MACROD2: variants seen among roughly 807,000 people sequenced by gnomAD.
MACROD2 encodes the protein mono-ADP ribosylhydrolase 2, also known as ADP-ribose glycohydrolase MACROD2.
Under a neutral mutation model 70.4 loss-of-function variants are expected in MACROD2, and 36 were observed. The ratio of observed to expected loss-of-function variants is 0.51; its 90% CI spans 0.39 to 0.68. The LOEUF (loss-of-function observed/expected upper bound fraction) is 0.68, where lower values mean the gene tolerates loss of function less well. MACROD2 is among the 30% of genes least tolerant of loss of function. The pLI is 0.00. For missense variants in MACROD2, 496 were observed against 538.4 expected (o/e 0.92, Z 0.78); for synonymous variants, 172 against 178.8 (o/e 0.96, Z 0.30).
chr20:15,159,240 G>T (rs2076330454), intron 5 of MACROD2, among the ~76,000 whole-genome samples: 1 of 151,946 alleles, frequency 6.6e-6, no homozygotes, highest in South Asian at 2.1e-4. Flanking sequence ...TGTGTCTTTT[G>T]TTGTATAACG....
intron 8 of MACROD2, among the ~76,000 whole-genome samples, chr20:15,784,170 G>T (rs1199352488): frequency 6.6e-6 from 1 of 152,014 alleles, no homozygotes; most frequent in African/African-American, 2.4e-5. Context: ...TTTGAAAAAA[G>T]CACTGTAGCT....
chr20:14,465,230 A>G (rs1006590457), intron 3 of MACROD2, among the ~76,000 whole-genome samples: 45 of 152,088 alleles, frequency 3.0e-4, no homozygotes, highest in African/African-American at 1.0e-3. Context: ...TGTATTGGGT[A>G]CATATATATT....
chr20:14,802,777 T>TACACACAC (rs11468914), intron 5 of MACROD2, among the ~76,000 whole-genome samples: 1 of 148,326 alleles, frequency 6.7e-6, no homozygotes, highest in East Asian at 2.1e-4. Context: ...CATACACACA[T>TACACACAC]ACACACACAC....
intron 3 of MACROD2, among the ~76,000 whole-genome samples, chr20:14,240,870 C>A (rs950649587): frequency 2.6e-5 from 4 of 152,286 alleles, no homozygotes; most frequent in African/African-American, 9.6e-5. Context: ...GCGGCTCTTG[C>A]CTGTAATCTC....
intron 9 of MACROD2, among the ~76,000 whole-genome samples, chr20:15,881,097 A>G (rs1484574100): frequency 1.3e-5 from 2 of 152,088 alleles, no homozygotes; most frequent in African/African-American, 2.4e-5. Context: ...GCTAACCTGT[A>G]TCTTCGTAAT....
At chr20:14,901,079 A>C (rs1398084205) in intron 5 of MACROD2, among the ~76,000 whole-genome samples, 1 of 152,094 alleles carries the variant, frequency 6.6e-6, no homozygotes, top group Non-Finnish European at 1.5e-5. Flanking sequence ...TAAAGACAGA[A>C]ACTTTAAATG....
At chr20:15,119,227 C>T (rs1326764771) in intron 5 of MACROD2, among the ~76,000 whole-genome samples, 1 of 152,162 alleles carries the variant, frequency 6.6e-6, no homozygotes, top group Non-Finnish European at 1.5e-5. Context: ...TAAGTTTTGC[C>T]TATCTAGTTT....
chr20:15,605,221 C>T (rs2048876164), intron 8 of MACROD2, among the ~76,000 whole-genome samples: 1 of 152,028 alleles, frequency 6.6e-6, no homozygotes, highest in South Asian at 2.1e-4. Flanking sequence ...TCTTTTATTT[C>T]CTTTGTATGA....
intron 4 of MACROD2, among the ~76,000 whole-genome samples, chr20:14,515,080 G>A (rs1386004233): frequency 6.6e-6 from 1 of 152,022 alleles, no homozygotes; most frequent in African/African-American, 2.4e-5. Context: ...CGTGAAAAAA[G>A]AGCATTCAAA....
intron 3 of MACROD2, among the ~76,000 whole-genome samples, chr20:14,408,866 A>G (rs534116507): frequency 4.6e-5 from 7 of 152,134 alleles, no homozygotes; most frequent in African/African-American, 9.7e-5. Flanking sequence ...TACCCTGGCA[A>G]TGAACTATTT....
rs1449655932 is a variant in MACROD2, at chr20:14,100,728, AAT to A, written c.271+15008_271+15009del. 3.2e-3 allele frequency among the ~76,000 whole-genome samples: 437 copies of A among 135,136 alleles called. 6 individuals carry two copies. The East Asian group carries it at 0.045, about 14-fold the overall frequency. The allele number at this position is 135,136 out of a possible 152,430, so 88.7% of individuals were successfully genotyped here. A position where few individuals can be genotyped will look rare whatever the true frequency, so the allele number is the denominator to read the frequency against. On this transcript the variant is annotated intron_variant, in intron 3 of 17. Coordinates refer to ENST00000684519, the MANE Select transcript of MACROD2 (RefSeq NM_001351661.2). ...ATATAGTATATATACATTTATATAT[AAT>A]ATATATAAATATAATATATAATATA...
intron 5 of MACROD2, among the ~76,000 whole-genome samples, chr20:14,847,325 C>T (rs1341923908): frequency 2.0e-5 from 3 of 151,974 alleles, no homozygotes; most frequent in South Asian, 2.1e-4. Context: ...ATCTAGTTTT[C>T]GACCTTAAGT....
At position 14,337,863 on chromosome 20, in the gene MACROD2, A is replaced by G. The variant is rs886182451; in HGVS notation, c.272-155616A>G. On this transcript the variant is annotated intron_variant, in intron 3 of 17. Coordinates refer to ENST00000684519, the MANE Select transcript of MACROD2 (RefSeq NM_001351661.2). ...CTCAACATTTTCTAAAGTTTACTAC[A>G]AGGCAGTGGTAGCATACTTATGTAT... 5.3e-5 allele frequency among the ~76,000 whole-genome samples: 8 copies of G among 152,310 alleles called. No homozygotes were observed. The East Asian group carries it at 1.3e-3, about 26-fold the overall frequency.
intron 8 of MACROD2, among the ~76,000 whole-genome samples, chr20:15,736,501 T>C (rs2051022777): frequency 6.6e-6 from 1 of 152,152 alleles, no homozygotes; most frequent in Admixed American, 6.6e-5. Flanking sequence ...AGCAGCATCT[T>C]GGGAGTAGGA....
Position 13,995,945 on chromosome 20 carries a change from G to C in MACROD2, c.46+136G>C. ...TCCCGGCCGGTGCCGCCTCCCTCCG[G>C]TGTCCGTGTGTACACACGCGCACAC... On this transcript the variant is annotated intron_variant, in intron 1 of 17. Transcript: ENST00000684519. The surrounding 1 kb of genome is among the most constrained non-coding windows in gnomAD (Gnocchi z 4.3). 1 of 1,010,138 alleles carries C rather than the reference G, an allele frequency of 9.9e-7. No individual in the cohort carries two copies. Among genetic ancestry groups the C allele is most frequent in the Non-Finnish European group, 1.5e-6 (1 of 672,794 alleles). 62.6% of individuals were successfully genotyped at this position (1,010,138 alleles called of 1,614,324 possible).
chr20:15,346,760 A>G (rs1353203058), intron 6 of MACROD2, among the ~76,000 whole-genome samples: 2 of 152,204 alleles, frequency 1.3e-5, no homozygotes, highest in African/African-American at 4.8e-5. Flanking sequence ...TCAGAGGTTA[A>G]TAGGTTAATT....
intron 2 of MACROD2, among the ~76,000 whole-genome samples, chr20:14,036,313 G>A (rs2053309301): frequency 6.6e-6 from 1 of 152,174 alleles, no homozygotes; most frequent in Non-Finnish European, 1.5e-5. Context: ...CCTGGAATCT[G>A]TTGGGTTCTC....
intron 5 of MACROD2, among the ~76,000 whole-genome samples, chr20:14,819,274 C>CA (rs879645599): frequency 3.4e-5 from 5 of 147,310 alleles, no homozygotes; most frequent in South Asian, 4.3e-4. Context: ...TCAAAAACAA[C>CA]AAAAAACAAA....
chr20:14,689,156 C>T (rs892505669), intron 5 of MACROD2, among the ~76,000 whole-genome samples: 3 of 152,182 alleles, frequency 2.0e-5, no homozygotes, highest in Non-Finnish European at 4.4e-5. Context: ...CTTCTAGATA[C>T]CTACATGGCT....
Sources: gnomAD v4.1 joint callset for allele counts (sites outside exome capture counted in the v4.1 genomes callset) on GRCh38, gnomAD v4.1.1 for gene constraint, Gnocchi (gnomAD v3.1) non-coding constraint, MANE v1.5 for transcripts, NCBI Gene and HGNC (gene_info 2026-07-23, HGNC 2026-07-21) for gene names.